Variants in DPP10 observed in about 807,000 individuals in gnomAD.
The protein encoded by DPP10 is dipeptidyl peptidase like 10, also known as inactive dipeptidyl peptidase 10.
A neutral mutation model predicts 120.9 loss-of-function variants in DPP10; 33 were observed. That is an observed-to-expected ratio of 0.27 (90% CI 0.21 to 0.37). The LOEUF (loss-of-function observed/expected upper bound fraction) is 0.37. DPP10 is among the 10% of genes least tolerant of loss of function. The pLI, the probability that DPP10 is intolerant of heterozygous loss-of-function variation, is 1.00. For missense variants in DPP10, 816 were observed against 942.8 expected, an observed-to-expected ratio of 0.87 and a Z score of 1.76; for synonymous variants, 337 against 326.1, an observed-to-expected ratio of 1.03 and a Z score of -0.36.
chr2:115,216,090 G>A (rs936616212), intron 1 of DPP10, among the ~76,000 whole-genome samples: 2 of 152,098 alleles, frequency 1.3e-5, no homozygotes, highest in Non-Finnish European at 2.9e-5. Flanking sequence ...TTATATGTGG[G>A]CGCTAAACAA....
chr2:114,709,544 A>G (rs1700893265), intron 1 of DPP10, among the ~76,000 whole-genome samples: 1 of 152,186 alleles, frequency 6.6e-6, no homozygotes, highest in South Asian at 2.1e-4. Context: ...TTTATATTTT[A>G]TTACTTAATT....
intron 1 of DPP10, among the ~76,000 whole-genome samples, chr2:114,782,637 A>G (rs1475352877): frequency 6.6e-6 from 1 of 152,072 alleles, no homozygotes; most frequent in African/African-American, 2.4e-5. Context: ...TTCATTTTAT[A>G]GTCACATTTA....
At chr2:115,738,500 A>G (rs112195941) in intron 8 of DPP10, among the ~76,000 whole-genome samples, 26 of 152,226 alleles carry the variant, frequency 1.7e-4, no homozygotes, top group African/African-American at 4.6e-4. Flanking sequence ...CCATATGACA[A>G]TCATAGGACA....
At chr2:114,774,283 TG>T (rs1312032409) in intron 1 of DPP10, among the ~76,000 whole-genome samples, 2 of 152,082 alleles carry the variant, frequency 1.3e-5, no homozygotes, top group African/African-American at 4.8e-5. Flanking sequence ...GGCAAGCAAA[TG>T]CTCTTCATGC....
intron 1 of DPP10, among the ~76,000 whole-genome samples, chr2:114,589,046 G>T (rs1197589195): frequency 1.3e-5 from 2 of 149,690 alleles, no homozygotes; most frequent in South Asian, 2.2e-4. Flanking sequence ...TTGGGGGGGG[G>T]GGTAGGGGAC....
chr2:115,797,217 C>A (rs73946621), intron 19 of DPP10, among the ~76,000 whole-genome samples: 2,743 of 152,048 alleles, frequency 0.018, 96 homozygotes, highest in African/African-American at 0.063. Flanking sequence ...ATTCTCAGCT[C>A]AGATTATTTA....
intron 1 of DPP10, among the ~76,000 whole-genome samples, chr2:114,940,155 T>A (rs1696784384): frequency 6.6e-6 from 1 of 152,190 alleles, no homozygotes; most frequent in Admixed American, 6.5e-5. Context: ...TGAACTGCTC[T>A]CCTTTCAAAA....
intron 1 of DPP10, among the ~76,000 whole-genome samples, chr2:114,885,926 C>T (rs1376637349): frequency 6.6e-6 from 1 of 152,112 alleles, no homozygotes; most frequent in African/African-American, 2.4e-5. Context: ...TAATTTCAAC[C>T]TCCAAATATT....
rs554191243 is a variant in DPP10 at position 115,451,772 on chromosome 2, C to T, written c.272-47738C>T. 2.8e-4 allele frequency among the ~76,000 whole-genome samples: 43 copies of T among 151,888 alleles called. No individual in the cohort carries two copies. The South Asian group carries it at 5.4e-3, about 19-fold the overall frequency. ...TAAACAAAAACATTATAAAAATTAA[C>T]GCATAAAAGTGAAATACTCATGTTT... On this transcript the variant is annotated intron_variant, in intron 3 of 25. Coordinates refer to ENST00000410059, the MANE Select transcript of DPP10 (RefSeq NM_020868.6).
chr2:115,223,937 T>C (rs2057306953), intron 1 of DPP10, among the ~76,000 whole-genome samples: 2 of 152,298 alleles, frequency 1.3e-5, no homozygotes, highest in South Asian at 2.1e-4. Context: ...TAAAATGATG[T>C]TACTCAATTA....
chr2:114,691,136 T>G (rs1699717603), intron 1 of DPP10, among the ~76,000 whole-genome samples: 1 of 152,134 alleles, frequency 6.6e-6, no homozygotes, highest in Admixed American at 6.6e-5. Flanking sequence ...CATCCTTGCC[T>G]TGTACTGGTT....
intron 1 of DPP10, among the ~76,000 whole-genome samples, chr2:115,075,814 C>A (rs1707742087): frequency 1.3e-5 from 2 of 151,590 alleles, no homozygotes; most frequent in African/African-American, 4.9e-5. Flanking sequence ...GTAGTTGAAT[C>A]CTAAATATTC....
chr2:114,729,951 T>C (rs1409099336), intron 1 of DPP10, among the ~76,000 whole-genome samples: 2 of 152,238 alleles, frequency 1.3e-5, no homozygotes, highest in African/African-American at 4.8e-5. Flanking sequence ...CCACAACATA[T>C]TGAATTTCTG....
At chr2:115,225,546 G>C (rs1441798855) in intron 1 of DPP10, among the ~76,000 whole-genome samples, 1 of 151,464 alleles carries the variant, frequency 6.6e-6, no homozygotes, top group East Asian at 1.9e-4. Context: ...TGTATATCTG[G>C]AACTCAGGGA....
chr2:115,340,088 A>C (rs759755754), intron 2 of DPP10, among the ~76,000 whole-genome samples: 3 of 152,184 alleles, frequency 2.0e-5, no homozygotes, highest in Admixed American at 6.6e-5. Context: ...TTGCAACTTC[A>C]TATGAATCTT....
At chr2:115,205,194 A>T (rs906361376) in intron 1 of DPP10, among the ~76,000 whole-genome samples, 3 of 152,178 alleles carry the variant, frequency 2.0e-5, no homozygotes, top group African/African-American at 7.2e-5. Context: ...GGTATTTCCT[A>T]GATTTTCTTC....
chr2:114,858,150 C>T (rs1453795048), intron 1 of DPP10, among the ~76,000 whole-genome samples: 2 of 152,006 alleles, frequency 1.3e-5, no homozygotes, highest in African/African-American at 2.4e-5. Flanking sequence ...CCGCCACACT[C>T]GGCTAATTTT....
At chr2:115,582,206 C>T (rs2082038724) in intron 5 of DPP10, among the ~76,000 whole-genome samples, 1 of 152,118 alleles carries the variant, frequency 6.6e-6, no homozygotes, top group Non-Finnish European at 1.5e-5. Flanking sequence ...AGGCTGTCCG[C>T]ACGCACAGTG....
At chr2:114,810,417 T>C (rs1349161349) in intron 1 of DPP10, among the ~76,000 whole-genome samples, 1 of 152,204 alleles carries the variant, frequency 6.6e-6, no homozygotes, top group Non-Finnish European at 1.5e-5. Context: ...GGGTTAATAA[T>C]TTTGAATCAG....
Sources: allele counts gnomAD v4.1 joint callset (sites outside exome capture counted in the v4.1 genomes callset), GRCh38; gene constraint gnomAD v4.1.1; transcripts MANE v1.5; gene names NCBI Gene and HGNC (gene_info 2026-07-23, HGNC 2026-07-21).